COMMD5: variants seen among roughly 807,000 people sequenced by gnomAD.
COMMD5 encodes COMM domain-containing protein 5.
Under a neutral mutation model 6.9 loss-of-function variants are expected in COMMD5, and 10 were observed. That is an observed-to-expected ratio of 1.44 (90% CI 0.89 to 2.45). COMMD5 has a LOEUF of 2.45. Ranked by LOEUF, COMMD5 falls within the 30% of genes most tolerant of loss-of-function variation. The pLI, the probability that COMMD5 is intolerant of heterozygous loss-of-function variation, is 0.00. For missense variants in COMMD5, 234 were observed against 287.8 expected, an observed-to-expected ratio of 0.81 and a Z score of 1.35; for synonymous variants, 127 against 125.3, an observed-to-expected ratio of 1.01 and a Z score of -0.09.
chr8:144,841,958 G>A lies in COMMD5; in HGVS notation c.*117-215C>T, dbSNP rs1319987786. Reference sequence around the variant, plus strand: ...AAACCCTTTAAATGCACTGAGTGTGGAAAAGCCTTCCGCCTGAGCTCAAAA... The same window carrying A: ...AAACCCTTTAAATGCACTGAGTGTGAAAAAGCCTTCCGCCTGAGCTCAAAA... On this transcript the variant is annotated intron_variant and NMD_transcript_variant, in intron 1 of 1. Coordinates refer to the COMMD5 transcript ENST00000530332. 1.2e-6 allele frequency: 2 copies of A among 1,614,196 alleles called. No homozygotes were observed. Among genetic ancestry groups the A allele is most frequent in the South Asian group, 2.2e-5 (2 of 91,084 alleles).
intron 1 of COMMD5, chr8:144,843,538 A>C (rs2130737786): frequency 6.7e-6 from 1 of 149,506 alleles, no homozygotes; most frequent in Non-Finnish European, 1.4e-5. Flanking sequence ...CAGTGAGCTG[A>C]GATCGCGCCA....
At chr8:144,851,429 T>A in intron 1 of COMMD5, 34 bp from the exon 2 acceptor site, 1 of 1,411,502 alleles carries the variant, frequency 7.1e-7, no homozygotes, top group Non-Finnish European at 9.7e-7. Flanking sequence ...GACCAGTGAC[T>A]CTCACATCCT....
In COMMD5 at chr8:144,852,967, C is replaced by G. The variant is rs1273156950; in HGVS notation, c.-186G>C. On this transcript the variant is annotated 5_prime_UTR_variant, in exon 1 of 2. Transcript: ENST00000305103. ...ACTCCATCCTACTCCACCCCACGCT[C>G]CCGCTGTCCGAGTCGCCCCCAGCAC... 2 of 152,620 alleles carry G rather than the reference C, an allele frequency of 1.3e-5. No homozygotes were observed. The highest frequency in any genetic ancestry group is 4.8e-5 in the African/African-American group (2 of 41,602). The allele number at this position is 152,620 out of a possible 1,614,324, so 9.5% of individuals were successfully genotyped here. A position where few individuals can be genotyped will look rare whatever the true frequency, so the allele number is the denominator to read the frequency against.
At chr8:144,842,835 A>AGG (rs1484007521) in intron 1 of COMMD5, 1 of 1,614,182 alleles carries the variant, frequency 6.2e-7, no homozygotes, top group East Asian at 2.2e-5. Context: ...TAATTCATGC[A>AGG]GGGGTGAAGC....
At position 144,853,044 on chromosome 8, in the gene COMMD5, G is replaced by A. The variant is rs971270356; in HGVS notation, c.-263C>T. 6.6e-6 allele frequency: 1 copy of A among 152,272 alleles called. No homozygotes were observed. The highest frequency in any genetic ancestry group is 2.4e-5 in the African/African-American group (1 of 41,462). 9.4% of individuals were successfully genotyped at this position (152,272 alleles called of 1,614,324 possible). A position where few individuals can be genotyped will look rare whatever the true frequency, so the allele number is the denominator to read the frequency against. ...CAGCCAAAAGCGGGCCTGGTCCCCG[G>A]AAGCGCCCTGAGAGCCACTTCCGGG... On this transcript the variant is annotated 5_prime_UTR_variant, in exon 1 of 2. Transcript: ENST00000305103.
chr8:144,840,581 G>A (rs1829760177), downstream of COMMD5, among the ~76,000 whole-genome samples: 1 of 152,212 alleles, frequency 6.6e-6, no homozygotes, highest in African/African-American at 2.4e-5. Flanking sequence ...GACCTCAGCA[G>A]AGGTGCCCTC....
downstream of COMMD5, among the ~76,000 whole-genome samples, chr8:144,849,240 C>T (rs1017369205): frequency 3.8e-4 from 58 of 152,192 alleles, no homozygotes; most frequent in African/African-American, 1.4e-3. Flanking sequence ...GATCCGATGA[C>T]AGTGGGGGGA....
chr8:144,843,251 C>T, intron 1 of COMMD5: 1 of 1,420,130 alleles, frequency 7.0e-7, no homozygotes, highest in Non-Finnish European at 9.5e-7. Context: ...TTTATACTGA[C>T]AAACATGTAG....
intron 1 of COMMD5, chr8:144,843,347 T>TG (rs1830230142): frequency 2.8e-6 from 2 of 723,652 alleles, no homozygotes; most frequent in Non-Finnish European, 4.2e-6. Flanking sequence ...CCCAGCACTT[T>TG]GGGAGGCCAA....
At chr8:144,844,770 CAA>C (rs1490711027) in intron 1 of COMMD5, among the ~76,000 whole-genome samples, 1 of 106,198 alleles carries the variant, frequency 9.4e-6, no homozygotes, top group Non-Finnish European at 2.0e-5. Context: ...GGTTGGGAAA[CAA>C]ATATGGGGAG....
At chr8:144,845,493 G>C (rs1302712894), downstream of COMMD5, among the ~76,000 whole-genome samples, 2 of 152,122 alleles carry the variant, frequency 1.3e-5, no homozygotes, top group East Asian at 1.9e-4. Flanking sequence ...GATGGCAGGT[G>C]GCTTGCTCAA....
intron 1 of COMMD5, chr8:144,841,839 C>T (rs749763546): frequency 1.2e-6 from 2 of 1,614,020 alleles, no homozygotes; most frequent in Non-Finnish European, 1.7e-6. Flanking sequence ...CAAATAACTG[C>T]CATGGAGAGA....
At chr8:144,838,143 T>C (rs758736162), downstream of COMMD5, 1 of 702,952 alleles carries the variant, frequency 1.4e-6, no homozygotes, top group Non-Finnish European at 2.6e-6. Context: ...TTCCTTGGCT[T>C]GTGGATGCGT....
chr8:144,845,032 G>T (rs1227736961), intron 1 of COMMD5, among the ~76,000 whole-genome samples: 3 of 152,134 alleles, frequency 2.0e-5, no homozygotes, highest in Admixed American at 1.3e-4. Context: ...AGAAACAGGG[G>T]CAGGGTCAGG....
chr8:144,841,598 C>G, exon 2 of COMMD5: 1 of 1,614,172 alleles, frequency 6.2e-7, no homozygotes, highest in South Asian at 1.1e-5. Flanking sequence ...AAGACCTTCA[C>G]CAAGGACGCA....
In COMMD5 at chr8:144,850,631, G is replaced by C; in HGVS notation, c.*33C>G. On this transcript the variant is annotated 3_prime_UTR_variant, in exon 2 of 2. Transcript: ENST00000305103. This position sits in a 1 kb window ranked among gnomAD's most constrained non-coding sequence, Gnocchi z 4.0. ...GGCACCATCTCAGGTGCCTGTCCAA[G>C]CCGGATCTGAATGGGACTGGTCAAG... is the stretch of plus-strand genomic sequence containing the variant. 2 of 1,590,660 alleles carry C rather than the reference G, an allele frequency of 1.3e-6. No individual in the cohort carries two copies. The highest frequency in any genetic ancestry group is 1.7e-6 in the Non-Finnish European group (2 of 1,164,858).
At chr8:144,844,253 T>C (rs1427307339) in intron 1 of COMMD5, among the ~76,000 whole-genome samples, 6 of 152,128 alleles carry the variant, frequency 3.9e-5, no homozygotes, top group African/African-American at 1.2e-4. Flanking sequence ...GAACGAGCAC[T>C]CAAGCAAATG....
Position 144,851,282 on chromosome 8 carries a change from A to G in COMMD5, c.57T>C (p.Ser19=). ...GGGCCCCCAAGAAACTCACTCGGCCACTGTGACTATCACCAGGATGATGCA... is the reference window on the plus strand; with the variant it reads ...GGGCCCCCAAGAAACTCACTCGGCCGCTGTGACTATCACCAGGATGATGCA... The part of the protein sequence containing the change: ...PYLHHPGDSH[S]GRVSFLGAQL... The change falls in exon 2 of 2, where the codon AGT becomes AGC. Residue 19 remains serine (S), a synonymous_variant. Transcript: ENST00000305103. 1 of 1,613,974 alleles carries G rather than the reference A, an allele frequency of 6.2e-7. No individual in the cohort carries two copies. The highest frequency in any genetic ancestry group is 8.5e-7 in the Non-Finnish European group (1 of 1,179,988).
At chr8:144,848,103 T>C (rs185530210), downstream of COMMD5, among the ~76,000 whole-genome samples, 4 of 152,130 alleles carry the variant, frequency 2.6e-5, no homozygotes, top group African/African-American at 9.7e-5. Flanking sequence ...ACCAGCACTT[T>C]GGGAGGCCGA....
Sources: gnomAD v4.1 joint callset for allele counts (sites outside exome capture counted in the v4.1 genomes callset) on GRCh38, gnomAD v4.1.1 for gene constraint, Gnocchi (gnomAD v3.1) non-coding constraint, MANE v1.5 for transcripts, NCBI Gene and HGNC (gene_info 2026-07-23, HGNC 2026-07-21) for gene names.